Variants in CCDC178 observed in about 807,000 individuals in gnomAD.
CCDC178 encodes coiled-coil domain-containing protein 178.
A neutral mutation model predicts 117.4 loss-of-function variants in CCDC178; 126 were observed. That is an observed-to-expected ratio of 1.07 (90% CI 0.93 to 1.24). The LOEUF (loss-of-function observed/expected upper bound fraction) is 1.24, where lower values mean the gene tolerates loss of function less well. Ranked by LOEUF, CCDC178 falls within the 50% of genes most tolerant of loss-of-function variation. The pLI is 0.00. For synonymous variants in CCDC178, 283 were observed against 313.4 expected (o/e 0.90, Z 1.02); for missense variants, 1,030 against 986.9 (o/e 1.04, Z -0.59).
At chr18:33,041,406 C>T (rs887760240) in intron 21 of CCDC178, among the ~76,000 whole-genome samples, 11 of 150,502 alleles carry the variant, frequency 7.3e-5, no homozygotes, top group African/African-American at 2.7e-4. Flanking sequence ...CTATGTATAT[C>T]AATGAAACAT....
chr18:33,121,067 A>G (rs1160526369), intron 20 of CCDC178, among the ~76,000 whole-genome samples: 1 of 152,144 alleles, frequency 6.6e-6, no homozygotes, highest in Non-Finnish European at 1.5e-5. Flanking sequence ...GCTAGTCTTC[A>G]TTCCTCAGTT....
In CCDC178 at chr18:33,242,566, C is replaced by CA. The variant is rs200563577; in HGVS notation, c.1593+2678dup. ...CTCAAACATCTCAACAGCAAAAAAA[C>CA]AAAAAAAATCTGATTTAAAAATGGG... On this transcript the variant is annotated intron_variant, in intron 15 of 22. Coordinates refer to ENST00000383096, the MANE Select transcript of CCDC178 (RefSeq NM_001105528.4). Among the ~76,000 whole-genome samples the CA allele has an allele frequency of 8.0e-3, 1,185 of 148,756 alleles. 11 individuals are homozygous for CA. The highest frequency in any genetic ancestry group is 0.027 in the African/African-American group (1,087 of 40,660).
intron 15 of CCDC178, 33 bp downstream of exon 15, chr18:33,245,212 A>T (rs770192749): frequency 8.2e-6 from 12 of 1,472,360 alleles, no homozygotes; most frequent in South Asian, 1.5e-5. Context: ...TCTTTTTTTC[A>T]TCATGAGTAA....
intron 17 of CCDC178, among the ~76,000 whole-genome samples, chr18:33,224,539 C>T (rs960635033): frequency 1.3e-5 from 2 of 152,068 alleles, no homozygotes; most frequent in South Asian, 2.1e-4. Context: ...TCACTACTCA[C>T]GCACTTGAAA....
intron 14 of CCDC178, among the ~76,000 whole-genome samples, chr18:33,262,622 C>T (rs758384848): frequency 3.9e-5 from 6 of 152,046 alleles, no homozygotes; most frequent in Non-Finnish European, 7.4e-5. Context: ...CACATAAAAA[C>T]ACGTATTGCA....
intron 20 of CCDC178, among the ~76,000 whole-genome samples, chr18:33,094,716 T>C (rs1177280528): frequency 6.6e-6 from 1 of 152,026 alleles, no homozygotes; most frequent in African/African-American, 2.4e-5. Context: ...GCATACATGT[T>C]CAATTTCTGA....
chr18:33,244,044 A>AATGTTT (rs1839103625), intron 15 of CCDC178, among the ~76,000 whole-genome samples: 3 of 152,046 alleles, frequency 2.0e-5, no homozygotes, highest in Admixed American at 2.0e-4. Flanking sequence ...AGATATGATT[A>AATGTTT]ACCCATTCAA....
At chr18:33,302,977 A>G (rs961418039) in intron 11 of CCDC178, among the ~76,000 whole-genome samples, 3 of 152,204 alleles carry the variant, frequency 2.0e-5, no homozygotes, top group African/African-American at 7.2e-5. Flanking sequence ...GTTAACAATA[A>G]TATATAGCTT....
intron 20 of CCDC178, among the ~76,000 whole-genome samples, chr18:33,193,549 A>G (rs1482388253): frequency 1.3e-5 from 2 of 152,206 alleles, no homozygotes; most frequent in African/African-American, 4.8e-5. Context: ...AAAACATTGC[A>G]ACATTTTTTA....
intron 22 of CCDC178, among the ~76,000 whole-genome samples, chr18:32,944,350 A>G (rs577059248): frequency 6.6e-6 from 1 of 152,338 alleles, no homozygotes; most frequent in South Asian, 2.1e-4. Context: ...TTCAGAACTC[A>G]GAGCATGGCT....
At chr18:33,262,540 A>C (rs9951753) in intron 14 of CCDC178, among the ~76,000 whole-genome samples, 10,245 of 152,204 alleles carry the variant, frequency 0.067, 511 homozygotes, top group African/African-American at 0.14. Context: ...CAACTGAGTC[A>C]AAATGCCTTA....
chr18:33,241,463 TGTGTGTAGAG>T lies in CCDC178; in HGVS notation c.1593+3772_1593+3781del, dbSNP rs1361358711. 5.4e-5 allele frequency among the ~76,000 whole-genome samples: 8 copies of T among 148,888 alleles called. No individual in the cohort carries two copies. In the East Asian group the frequency reaches 7.9e-4, roughly 15 times the overall value. ...GTGTGTGTGTGTGTGTGTGTGTGTG[TGTGTGTAGAG>T]AGAGACTCTACCAAAAAAATTGTAG... On this transcript the variant is annotated intron_variant, in intron 15 of 22. Transcript: ENST00000383096.
chr18:33,036,810 A>G (rs781486432), intron 21 of CCDC178, among the ~76,000 whole-genome samples: 30 of 152,042 alleles, frequency 2.0e-4, no homozygotes, highest in Non-Finnish European at 3.4e-4. Flanking sequence ...GATAAAGGCT[A>G]AGACAAGACA....
intron 21 of CCDC178, among the ~76,000 whole-genome samples, chr18:32,994,287 CA>C (rs1170063208): frequency 1.3e-5 from 2 of 152,118 alleles, no homozygotes; most frequent in Admixed American, 6.5e-5. Flanking sequence ...ATTTCAGAAA[CA>C]TAAGTGCATA....
intron 2 of CCDC178, among the ~76,000 whole-genome samples, chr18:33,438,831 TG>T (rs1405645337): frequency 6.6e-6 from 1 of 152,188 alleles, no homozygotes; most frequent in African/African-American, 2.4e-5. Context: ...GTCTGTAATC[TG>T]CCATCTAGCA....
chr18:32,963,718 A>T (rs2054753143), intron 22 of CCDC178, among the ~76,000 whole-genome samples: 1 of 151,958 alleles, frequency 6.6e-6, no homozygotes, highest in African/African-American at 2.4e-5. Context: ...AGGTTGAGCT[A>T]AGTGCTCTTC....
chr18:33,143,586 T>C (rs768918030), intron 20 of CCDC178, among the ~76,000 whole-genome samples: 4 of 152,136 alleles, frequency 2.6e-5, no homozygotes, highest in Admixed American at 2.6e-4. Context: ...AAGTCTGTAG[T>C]GAAATAATGT....
At chr18:33,179,404 A>G (rs536079431) in intron 20 of CCDC178, among the ~76,000 whole-genome samples, 3 of 151,786 alleles carry the variant, frequency 2.0e-5, no homozygotes, top group African/African-American at 7.2e-5. Context: ...CTTAATTCAA[A>G]TAATATTTTT....
At chr18:33,384,982 A>G (rs1254247632) in intron 5 of CCDC178, among the ~76,000 whole-genome samples, 1 of 152,196 alleles carries the variant, frequency 6.6e-6, no homozygotes, top group African/African-American at 2.4e-5. Context: ...CTCACATGCA[A>G]AGATGCACAT....
Sources: allele counts gnomAD v4.1 joint callset (sites outside exome capture counted in the v4.1 genomes callset), GRCh38; gene constraint gnomAD v4.1.1; transcripts MANE v1.5; gene names NCBI Gene and HGNC (gene_info 2026-07-23, HGNC 2026-07-21).